Variants in RABGAP1L observed in about 807,000 individuals in gnomAD.
RABGAP1L encodes the protein RAB GTPase activating protein 1 like.
RABGAP1L carries 63 observed loss-of-function variants against 137.7 expected under a neutral mutation model. The observed-to-expected ratio is 0.46, with a 90% CI of 0.37 to 0.56. The LOEUF (loss-of-function observed/expected upper bound fraction) is 0.56, where lower values mean the gene tolerates loss of function less well. Ranked by LOEUF, RABGAP1L falls within the 20% of genes least tolerant of loss-of-function variation. The pLI is 0.00. For missense variants in RABGAP1L, 1,095 were observed against 1,244.0 expected (o/e 0.88, Z 1.80); for synonymous variants, 431 against 433.7 (o/e 0.99, Z 0.08).
At chr1:174,461,685 G>A (rs56234951) in intron 13 of RABGAP1L, among the ~76,000 whole-genome samples, 5,268 of 152,266 alleles carry the variant, frequency 0.035, 120 homozygotes, top group Middle Eastern at 0.088. Flanking sequence ...TGGTTGGACT[G>A]AAGATTACTT....
chr1:174,579,358 C>A (rs1668581425), intron 13 of RABGAP1L, among the ~76,000 whole-genome samples: 1 of 152,022 alleles, frequency 6.6e-6, no homozygotes, highest in Non-Finnish European at 1.5e-5. Context: ...AAAGGGGAGT[C>A]CACAAGAGTT....
intron 13 of RABGAP1L, among the ~76,000 whole-genome samples, chr1:174,539,148 A>C (rs776420509): frequency 3.7e-4 from 56 of 152,104 alleles, no homozygotes; most frequent in Non-Finnish European, 6.8e-4. Context: ...TAGTAAATAC[A>C]TATTTATTAT....
chr1:174,422,087 T>TC (rs1193524543), intron 13 of RABGAP1L, among the ~76,000 whole-genome samples: 1 of 152,266 alleles, frequency 6.6e-6, no homozygotes, highest in East Asian at 1.9e-4. Flanking sequence ...AAGTTTATCA[T>TC]CATTCCAGGA....
At chr1:174,756,907 G>T in intron 18 of RABGAP1L, 1 of 701,354 alleles carries the variant, frequency 1.4e-6, no homozygotes. Context: ...GGGACTGCTT[G>T]GCATTGGCAC....
chr1:174,589,078 G>T (rs576388282), intron 13 of RABGAP1L, among the ~76,000 whole-genome samples: 1 of 152,252 alleles, frequency 6.6e-6, no homozygotes, highest in South Asian at 2.1e-4. Flanking sequence ...CAGTGTACAA[G>T]AGTTCCCTTT....
At chr1:174,311,879 T>A (rs1286749655) in intron 11 of RABGAP1L, among the ~76,000 whole-genome samples, 2 of 152,220 alleles carry the variant, frequency 1.3e-5, no homozygotes, top group Non-Finnish European at 2.9e-5. Context: ...AGTGCTGGGA[T>A]TACAGGCATG....
chr1:174,226,505 G>A (rs1038005992), intron 3 of RABGAP1L, among the ~76,000 whole-genome samples: 11 of 151,400 alleles, frequency 7.3e-5, no homozygotes, highest in Non-Finnish European at 1.6e-4. Context: ...GAGATAAATT[G>A]TAACAGGCTT....
chr1:174,747,010 G>A (rs1037778207), intron 17 of RABGAP1L, among the ~76,000 whole-genome samples: 6 of 152,060 alleles, frequency 3.9e-5, no homozygotes, highest in African/African-American at 7.2e-5. Context: ...CTCCTACTAC[G>A]TACATGTTTT....
At chr1:174,540,912 A>C (rs1056211011) in intron 13 of RABGAP1L, among the ~76,000 whole-genome samples, 1 of 152,162 alleles carries the variant, frequency 6.6e-6, no homozygotes, top group Non-Finnish European at 1.5e-5. Flanking sequence ...AATATTGATT[A>C]TTCCTATCCA....
At chr1:174,489,478 G>A (rs1451833513) in intron 13 of RABGAP1L, among the ~76,000 whole-genome samples, 1 of 152,052 alleles carries the variant, frequency 6.6e-6, no homozygotes, top group Non-Finnish European at 1.5e-5. Flanking sequence ...ACCACAATGA[G>A]ATACCATCTC....
chr1:174,433,204 ATCTG>A (rs1025426365), intron 13 of RABGAP1L, among the ~76,000 whole-genome samples: 1 of 152,182 alleles, frequency 6.6e-6, no homozygotes, highest in African/African-American at 2.4e-5. Context: ...GCCAACCCAA[ATCTG>A]TCTGACTATA....
intron 11 of RABGAP1L, among the ~76,000 whole-genome samples, chr1:174,349,181 A>G (rs1215532458): frequency 8.0e-6 from 1 of 124,952 alleles, no homozygotes; most frequent in African/African-American, 3.3e-5. Flanking sequence ...GCGGCCGGGC[A>G]GAGGCGCCCC....
At chr1:174,551,771 TA>T (rs904264104) in intron 13 of RABGAP1L, among the ~76,000 whole-genome samples, 2 of 151,002 alleles carry the variant, frequency 1.3e-5, no homozygotes, top group African/African-American at 4.9e-5. Flanking sequence ...AAAAAATTAA[TA>T]AAATTGGTAA....
Position 174,607,118 on chromosome 1 carries a change from G to A in RABGAP1L, c.1711-30257G>A, listed in dbSNP as rs185324193. Among the ~76,000 whole-genome samples, 1,045 of 152,194 alleles carry A rather than the reference G, an allele frequency of 6.9e-3. 13 individuals carry two copies. Among genetic ancestry groups the A allele is most frequent in the African/African-American group, 0.024 (985 of 41,518 alleles). The stretch of plus-strand genomic sequence containing the variant: ...AAGGACTAATTTTTAATATCAGTAT[G>A]TTCAATGCAGTATTAAATTCCATGT... On this transcript the variant is annotated intron_variant, in intron 13 of 25. Transcript: ENST00000681986.
rs868090658 is a variant in RABGAP1L at position 174,694,452 on chromosome 1, T to C, written c.1900-5073T>C. Among the ~76,000 whole-genome samples the C allele has an allele frequency of 1.8e-4, 27 of 151,974 alleles. No homozygotes were observed. In the Middle Eastern group the frequency reaches 0.01, roughly 57 times the overall value. ...CCTATGAGGGAGAATATGCGGTGTT[T>C]GGTTTTTTGTTCTTGCGATAGTTTA... is the stretch of plus-strand genomic sequence containing the variant. On this transcript the variant is annotated intron_variant, in intron 15 of 25. Transcript: ENST00000681986.
At chr1:174,356,738 A>G (rs1194919498) in intron 11 of RABGAP1L, among the ~76,000 whole-genome samples, 2 of 152,174 alleles carry the variant, frequency 1.3e-5, no homozygotes, top group Non-Finnish European at 2.9e-5. Flanking sequence ...CATGTTAAAA[A>G]TCAGTGGATA....
chr1:174,633,825 A>G (rs1272426394), intron 13 of RABGAP1L, among the ~76,000 whole-genome samples: 3 of 132,588 alleles, frequency 2.3e-5, no homozygotes, highest in Admixed American at 2.3e-4. Flanking sequence ...AAAACTGGCT[A>G]GCCATATGTA....
At chr1:174,327,319 T>C in intron 11 of RABGAP1L, among the ~76,000 whole-genome samples, 1 of 79,462 alleles carries the variant, frequency 1.3e-5, no homozygotes, top group East Asian at 2.2e-4. Flanking sequence ...GGTATAATAA[T>C]ATAATAAGGT....
intron 13 of RABGAP1L, among the ~76,000 whole-genome samples, chr1:174,534,539 G>T (rs1341430775): frequency 1.3e-5 from 2 of 152,038 alleles, no homozygotes; most frequent in Non-Finnish European, 2.9e-5. Flanking sequence ...CTCTTTGGGA[G>T]GCTGAGGTGG....
Sources: allele counts gnomAD v4.1 joint callset (sites outside exome capture counted in the v4.1 genomes callset), GRCh38; gene constraint gnomAD v4.1.1; transcripts MANE v1.5; gene names NCBI Gene and HGNC (gene_info 2026-07-23, HGNC 2026-07-21).